Variants in ITGA9 observed in about 807,000 individuals in gnomAD.
ITGA9 encodes the protein integrin subunit alpha 9.
A neutral mutation model predicts 127.8 loss-of-function variants in ITGA9; 56 were observed. The ratio of observed to expected loss-of-function variants is 0.44; its 90% CI spans 0.35 to 0.55. ITGA9 has a LOEUF of 0.55. ITGA9 is among the 20% of genes least tolerant of loss of function. The probability of loss-of-function intolerance (pLI) is 0.00; values close to 1 mark genes in which losing one functional copy is unlikely to be tolerated. For synonymous variants in ITGA9, 508 were observed against 514.5 expected (o/e 0.99, Z 0.17); for missense variants, 1,196 against 1,347.1 (o/e 0.89, Z 1.76).
chr3:37,559,527 C>T (rs1699465241), intron 15 of ITGA9, among the ~76,000 whole-genome samples: 1 of 152,214 alleles, frequency 6.6e-6, no homozygotes, highest in Admixed American at 6.5e-5. Flanking sequence ...AATTTCCAAG[C>T]AGGTGTCCTT....
chr3:37,685,971 T>C (rs537119752), intron 18 of ITGA9, among the ~76,000 whole-genome samples: 1 of 152,378 alleles, frequency 6.6e-6, no homozygotes, highest in Non-Finnish European at 1.5e-5. Flanking sequence ...CATATGGATA[T>C]ACTGTGGATT....
At chr3:37,662,399 T>G (rs563175628) in intron 17 of ITGA9, among the ~76,000 whole-genome samples, 2 of 136,056 alleles carry the variant, frequency 1.5e-5, no homozygotes, top group Admixed American at 1.6e-4. Context: ...GGCAAAAAAA[T>G]AATAATAATA....
chr3:37,477,303 G>A (rs145015379), intron 3 of ITGA9, among the ~76,000 whole-genome samples: 11 of 152,306 alleles, frequency 7.2e-5, no homozygotes, highest in African/African-American at 2.6e-4. Context: ...GGAGAGGTGG[G>A]CTAGCTCTTT....
intron 18 of ITGA9, among the ~76,000 whole-genome samples, chr3:37,705,853 A>G (rs567450660): frequency 1.3e-5 from 2 of 152,296 alleles, no homozygotes; most frequent in South Asian, 4.1e-4. Flanking sequence ...TAGTATAAAA[A>G]ACTTCCTCTG....
intron 19 of ITGA9, among the ~76,000 whole-genome samples, chr3:37,733,989 A>G (rs1264236886): frequency 6.6e-6 from 1 of 152,226 alleles, no homozygotes; most frequent in African/African-American, 2.4e-5. Flanking sequence ...AATGGTGTTC[A>G]CCATATACAT....
intron 23 of ITGA9, among the ~76,000 whole-genome samples, chr3:37,761,683 C>T (rs1021363161): frequency 1.3e-5 from 2 of 152,166 alleles, no homozygotes; most frequent in Non-Finnish European, 2.9e-5. Context: ...GCTAAGTTGA[C>T]GTTCACTCTT....
At position 37,506,008 on chromosome 3, in the gene ITGA9, G is replaced by C. The variant is rs780122204; in HGVS notation, c.751G>C (p.Val251Leu). The change falls in exon 7 of 28, where the codon GTG becomes CTG. Residue 251 changes from valine (V) to leucine (L), a missense_variant. Transcript: ENST00000264741. ...CCGCCCATCCTGTTCAGGCTACGCA[G>C]TGACCGCTGGCCACTTCTCTCACCC... The part of the protein sequence containing the change: ...NRRYTYLGYA[V>L]TAGHFSHPST... The C allele has an allele frequency of 9.3e-6, 15 of 1,605,622 alleles. No homozygotes were observed. The South Asian group carries it at 1.5e-4, about 16-fold the overall frequency.
chr3:37,632,502 C>T (rs1700238025), intron 16 of ITGA9, among the ~76,000 whole-genome samples: 1 of 151,702 alleles, frequency 6.6e-6, no homozygotes, highest in African/African-American at 2.4e-5. Flanking sequence ...AGTAAGAATA[C>T]CAGTAATAAG....
At position 37,473,561 on chromosome 3, in the gene ITGA9, A is replaced by G. The variant is rs552627136; in HGVS notation, c.420+101A>G. ...GCATGGTGACAAGTGCATGGCTTTG[A>G]GGTTGCTTATTCTGGACTACTGCTT... On this transcript the variant is annotated intron_variant, in intron 3 of 27. Coordinates refer to ENST00000264741, the MANE Select transcript of ITGA9 (RefSeq NM_002207.3). The G allele has an allele frequency of 7.9e-4, 612 of 776,516 alleles. 10 individuals carry two copies. The South Asian group carries it at 9.3e-3, about 12-fold the overall frequency. The allele number at this position is 776,516 out of a possible 1,614,324, so 48.1% of individuals were successfully genotyped here. A position where few individuals can be genotyped will look rare whatever the true frequency, so the allele number is the denominator to read the frequency against.
chr3:37,728,452 T>C (rs750808443), intron 18 of ITGA9, among the ~76,000 whole-genome samples: 8 of 152,224 alleles, frequency 5.3e-5, no homozygotes, highest in Admixed American at 3.3e-4. Context: ...TCTGTGACTC[T>C]TGGGTGCCTG....
intron 23 of ITGA9, among the ~76,000 whole-genome samples, chr3:37,760,802 T>A (rs540070840): frequency 4.3e-4 from 66 of 152,174 alleles, no homozygotes; most frequent in African/African-American, 1.5e-3. Context: ...AAAGAAAAAA[T>A]TAACAAATTT....
In ITGA9 at chr3:37,750,576, T is replaced by C; in HGVS notation, c.2541+7T>C. ...TCATGTCCAGGAAATGGTGGTGAGT[T>C]CTCCATTTGTTTTCACTATTGCTTT... On this transcript the variant is annotated splice_region_variant and intron_variant, in intron 23 of 27. Coordinates refer to ENST00000264741, the MANE Select transcript of ITGA9 (RefSeq NM_002207.3). 2 of 1,569,480 alleles carry C rather than the reference T, an allele frequency of 1.3e-6. No individual in the cohort carries two copies. Among genetic ancestry groups the C allele is most frequent in the Non-Finnish European group, 1.8e-6 (2 of 1,139,462 alleles).
chr3:37,791,091 G>A (rs533200641), intron 26 of ITGA9, among the ~76,000 whole-genome samples: 1 of 152,100 alleles, frequency 6.6e-6, no homozygotes, highest in Admixed American at 6.5e-5. Flanking sequence ...GGGTGAAGGC[G>A]CTTTCTCTGA....
At chr3:37,793,260 A>G (rs919819705) in intron 26 of ITGA9, among the ~76,000 whole-genome samples, 4 of 151,966 alleles carry the variant, frequency 2.6e-5, no homozygotes, top group African/African-American at 9.7e-5. Context: ...AGCCACTGCT[A>G]TGGAAAGTTG....
chr3:37,575,811 A>G (rs1250221675), intron 15 of ITGA9, among the ~76,000 whole-genome samples: 1 of 152,232 alleles, frequency 6.6e-6, no homozygotes, highest in African/African-American at 2.4e-5. Flanking sequence ...CTTGCCAAAA[A>G]TAGGGCTACC....
chr3:37,629,512 AG>A lies in ITGA9; in HGVS notation c.1839+180del, dbSNP rs1700209908. The A allele has an allele frequency of 6.8e-5, 49 of 715,676 alleles. No individual in the cohort carries two copies. The South Asian group carries it at 7.1e-4, about 10-fold the overall frequency. 44.3% of individuals were successfully genotyped at this position (715,676 alleles called of 1,614,324 possible). On this transcript the variant is annotated intron_variant, in intron 16 of 27. Coordinates refer to ENST00000264741, the MANE Select transcript of ITGA9 (RefSeq NM_002207.3). The surrounding 1 kb of genome is among the most constrained non-coding windows in gnomAD (Gnocchi z 4.5). ...GCAAAATGATAAAATAAACAGTCTT[AG>A]GGGTTACTTGTGACTACTGTGGGAC...
intron 8 of ITGA9, among the ~76,000 whole-genome samples, chr3:37,509,083 G>T (rs1347792639): frequency 6.6e-6 from 1 of 152,134 alleles, no homozygotes; most frequent in African/African-American, 2.4e-5. Flanking sequence ...TCATTGCCAA[G>T]GTGACTGTTG....
chr3:37,747,048 T>G (rs1432959392), intron 22 of ITGA9, among the ~76,000 whole-genome samples: 2 of 152,214 alleles, frequency 1.3e-5, no homozygotes, highest in African/African-American at 4.8e-5. Flanking sequence ...TCTCTCCTAC[T>G]TATCCTTTTT....
intron 6 of ITGA9, among the ~76,000 whole-genome samples, chr3:37,504,843 C>T (rs1698824462): frequency 1.3e-5 from 2 of 152,142 alleles, no homozygotes; most frequent in Admixed American, 1.3e-4. Flanking sequence ...ATGATGTCAT[C>T]GCGAAACTCA....
Sources: allele counts gnomAD v4.1 joint callset (sites outside exome capture counted in the v4.1 genomes callset), GRCh38; gene constraint gnomAD v4.1.1; non-coding constraint Gnocchi (gnomAD v3.1); transcripts MANE v1.5; gene names NCBI Gene and HGNC (gene_info 2026-07-23, HGNC 2026-07-21).